Variants in PNLDC1 observed in about 807,000 individuals in gnomAD.
PNLDC1 encodes PARN like ribonuclease domain containing exonuclease 1.
In PNLDC1, 70 loss-of-function variants were observed where a neutral mutation model predicts 82.0. The observed-to-expected ratio is 0.85, with a 90% CI of 0.70 to 1.04. PNLDC1 has a LOEUF of 1.04. Among genes scored for constraint, PNLDC1 ranks in the 50% least tolerant of loss-of-function variants. PNLDC1 has a pLI of 0.00. For synonymous variants in PNLDC1, 280 were observed against 249.3 expected (o/e 1.12, Z -1.16); for missense variants, 631 against 661.1 (o/e 0.95, Z 0.50).
rs574118647 is a variant in PNLDC1 at position 159,812,790 on chromosome 6, G to C, written c.940-811G>C. Among the ~76,000 whole-genome samples, 5 of 152,340 alleles carry C rather than the reference G, an allele frequency of 3.3e-5. No homozygotes were observed. In the South Asian group the frequency reaches 6.2e-4, roughly 19 times the overall value. On this transcript the variant is annotated intron_variant, in intron 11 of 18. Transcript: ENST00000392167. ...TAATCCCAGCATTTTGGGAGGCTGAGGTGGGTGAATGGCTTGAGCCCAGGA... is the reference window on the plus strand; with the variant it reads ...TAATCCCAGCATTTTGGGAGGCTGACGTGGGTGAATGGCTTGAGCCCAGGA...
chr6:159,800,189 A>C (rs1781180382), upstream of PNLDC1: 2 of 929,690 alleles, frequency 2.2e-6, no homozygotes, highest in Non-Finnish European at 3.2e-6. Flanking sequence ...CGTGGGGCGG[A>C]GGCAGCTGCC....
chr6:159,802,666 C>G (rs1013131264), intron 3 of PNLDC1, among the ~76,000 whole-genome samples: 1 of 152,124 alleles, frequency 6.6e-6, no homozygotes, highest in African/African-American at 2.4e-5. Flanking sequence ...CTGCAACACC[C>G]TTGCCTCCCA....
intron 8 of PNLDC1, 87 bp downstream of exon 8, chr6:159,808,903 C>T: frequency 1.3e-6 from 2 of 1,589,642 alleles, no homozygotes; most frequent in Non-Finnish European, 1.7e-6. Context: ...AAGCTTTTAT[C>T]TTGCACGCTG....
rs1227964570 is a variant in PNLDC1 at position 159,820,514 on chromosome 6, C to G, written c.1593C>G (p.Thr531=). ...LLAFILGRSG[T] is the part of the protein sequence containing the mutation. ...CGTTCATCCTTGGAAGATCTGGTAC[C>G]TGAGTGCAGCGAGGCCTCCTGCGGC... The change falls in exon 19 of 19, where the codon ACC becomes ACG. Residue 531 remains threonine (T), a synonymous_variant. Transcript: ENST00000392167. 9 of 1,613,992 alleles carry G rather than the reference C, an allele frequency of 5.6e-6. No individual in the cohort carries two copies. Among genetic ancestry groups the G allele is most frequent in the South Asian group, 1.1e-5 (1 of 91,086 alleles).
intron 2 of PNLDC1, 52 bp from the exon 3 acceptor site, chr6:159,801,061 T>G (rs1297129099): frequency 6.3e-7 from 1 of 1,593,532 alleles, no homozygotes; most frequent in Non-Finnish European, 8.6e-7. Context: ...GAGGCCATAG[T>G]GCCGGGATGG....
intron 15 of PNLDC1, 95 bp from the exon 16 acceptor site, chr6:159,818,460 T>G (rs1410089081): frequency 9.0e-7 from 1 of 1,107,696 alleles, no homozygotes; most frequent in Non-Finnish European, 1.4e-6. Context: ...TCCGAGGGAG[T>G]GTCCTTCTGT....
intron 13 of PNLDC1, 57 bp from the exon 14 acceptor site, chr6:159,816,485 TG>T: frequency 6.7e-7 from 1 of 1,489,060 alleles, no homozygotes; most frequent in Non-Finnish European, 9.4e-7. Flanking sequence ...TGAGCTAGGA[TG>T]GGGCGTGTTT....
chr6:159,801,433 AC>A (rs1360226598), intron 3 of PNLDC1, among the ~76,000 whole-genome samples: 1 of 152,122 alleles, frequency 6.6e-6, no homozygotes. Flanking sequence ...TTCAAGTAAA[AC>A]TGTGTGTGTG....
chr6:159,805,711 T>C (rs1781423007), intron 6 of PNLDC1: 2 of 406,824 alleles, frequency 4.9e-6, no homozygotes, highest in South Asian at 2.6e-5. Context: ...ATTGGCTAGA[T>C]ACCAATAGCT....
At chr6:159,800,404 G>A (rs766142852) in intron 1 of PNLDC1, 21 bp downstream of exon 1, 31 of 1,546,514 alleles carry the variant, frequency 2.0e-5, no homozygotes, top group African/African-American at 2.7e-5. Flanking sequence ...TGGGATTCGC[G>A]GCTGTGCCGG....
intron 10 of PNLDC1, among the ~76,000 whole-genome samples, chr6:159,810,930 T>C (rs1583175611): frequency 6.6e-6 from 1 of 152,000 alleles, no homozygotes; most frequent in African/African-American, 2.4e-5. Flanking sequence ...AAATAAGCGC[T>C]GGGAGAACAA....
chr6:159,813,464 G>T, intron 11 of PNLDC1, 137 bp from the exon 12 acceptor site: 1 of 742,122 alleles, frequency 1.3e-6, no homozygotes, highest in Non-Finnish European at 2.4e-6. Flanking sequence ...AAGGATGGTT[G>T]CACCATTTGA....
rs77010280 is a variant in PNLDC1, at chr6:159,820,008, C to T, written c.1533-446C>T. 3.9e-3 allele frequency among the ~76,000 whole-genome samples: 595 copies of T among 152,254 alleles called. 3 individuals are homozygous for T. The highest frequency in any genetic ancestry group is 0.014 in the African/African-American group (570 of 41,564). ...GTTGGGGTAGACTGTGGAGGCGAGA[C>T]GCTGTGAGAGCAGTCAGGAAGGAGA... On this transcript the variant is annotated intron_variant, in intron 18 of 18. Transcript: ENST00000392167.
In PNLDC1 at chr6:159,800,321, C is replaced by G. The variant is rs969164382; in HGVS notation, c.14C>G (p.Ala5Gly). The stretch of plus-strand genomic sequence containing the variant: ...AGCTGCACGGCCATGGACGTGGGCG[C>G]CGACGAGTTCGAGGAGAGCCTCCCT... MDVG[A>G]DEFEESLPLL... is the part of the protein sequence containing the mutation. Residue 5 changes from alanine (A) to glycine (G), a missense_variant, in exon 1 of 19, where the codon GCC becomes GGC. Ala to Gly is a moderately conservative substitution (Grantham distance 60). Transcript: ENST00000392167. 4.8e-5 allele frequency: 75 copies of G among 1,547,664 alleles called. No homozygotes were observed. Among genetic ancestry groups the G allele is most frequent in the Non-Finnish European group, 6.2e-5 (71 of 1,146,304 alleles).
At chr6:159,807,264 C>T (rs1280764392) in intron 7 of PNLDC1, among the ~76,000 whole-genome samples, 9 of 152,066 alleles carry the variant, frequency 5.9e-5, no homozygotes, top group Admixed American at 2.0e-4. Context: ...ATCATTTTCT[C>T]AATGAAAAGA....
intron 7 of PNLDC1, among the ~76,000 whole-genome samples, chr6:159,807,175 G>T (rs990683188): frequency 6.6e-6 from 1 of 152,142 alleles, no homozygotes; most frequent in African/African-American, 2.4e-5. Flanking sequence ...TAACAGGCAT[G>T]AGCCACCGCA....
intron 3 of PNLDC1, among the ~76,000 whole-genome samples, chr6:159,802,832 C>T (rs1781311916): frequency 6.6e-6 from 1 of 152,108 alleles, no homozygotes; most frequent in African/African-American, 2.4e-5. Flanking sequence ...ATCCACCTGC[C>T]TAGGTCTCCC....
At chr6:159,815,940 T>TA (rs1781798838) in intron 12 of PNLDC1, 29 bp from the exon 13 acceptor site, 6 of 1,584,368 alleles carry the variant, frequency 3.8e-6, no homozygotes, top group Admixed American at 1.7e-5. Context: ...CAGCAAATTG[T>TA]TTTTTATTCT....
At chr6:159,807,831 T>G (rs1583171561) in intron 7 of PNLDC1, among the ~76,000 whole-genome samples, 2 of 152,370 alleles carry the variant, frequency 1.3e-5, no homozygotes, top group South Asian at 4.1e-4. Flanking sequence ...TGGTACAGTT[T>G]TAAAGAATAT....
Sources: allele counts gnomAD v4.1 joint callset (sites outside exome capture counted in the v4.1 genomes callset), GRCh38; gene constraint gnomAD v4.1.1; transcripts MANE v1.5; gene names NCBI Gene and HGNC (gene_info 2026-07-23, HGNC 2026-07-21).